Variants in KCNH8 observed in about 807,000 individuals in gnomAD.
KCNH8 encodes the protein potassium voltage-gated channel subfamily H member 8, also known as voltage-gated delayed rectifier potassium channel KCNH8.
KCNH8 carries 70 observed loss-of-function variants against 103.6 expected under a neutral mutation model. The observed-to-expected ratio is 0.68, with a 90% CI of 0.56 to 0.82. KCNH8 has a LOEUF of 0.82. KCNH8 is among the 40% of genes least tolerant of loss of function. The pLI is 0.00. For missense variants in KCNH8, 1,217 were observed against 1,329.9 expected (o/e 0.92, Z 1.32); for synonymous variants, 498 against 489.4 (o/e 1.02, Z -0.23).
At chr3:19,406,215 C>T (rs868271300) in intron 7 of KCNH8, among the ~76,000 whole-genome samples, 3 of 152,024 alleles carry the variant, frequency 2.0e-5, no homozygotes, top group Non-Finnish European at 2.9e-5. Flanking sequence ...AGGTTTTATA[C>T]CATTAAAGTA....
chr3:19,348,949 G>A (rs748905747), intron 5 of KCNH8, among the ~76,000 whole-genome samples: 4 of 151,768 alleles, frequency 2.6e-5, no homozygotes, highest in African/African-American at 4.8e-5. Flanking sequence ...TTAAATCTTT[G>A]AGGCTAGAGT....
intron 2 of KCNH8, among the ~76,000 whole-genome samples, chr3:19,260,487 GATATATATATATATATATATATATAT>G (rs57661437): frequency 0.012 from 491 of 40,040 alleles, 18 homozygotes; most frequent in East Asian, 0.11. Context: ...TACTCTATAG[GATATATATATATATATATATATATAT>G]ATATATATAT....
chr3:19,359,969 A>C (rs1415427436), intron 5 of KCNH8, among the ~76,000 whole-genome samples: 2 of 152,088 alleles, frequency 1.3e-5, no homozygotes, highest in Non-Finnish European at 2.9e-5. Context: ...TGAGCAGTAT[A>C]ACTGTAATGC....
intron 1 of KCNH8, among the ~76,000 whole-genome samples, chr3:19,228,263 G>A (rs549283471): frequency 1.6e-4 from 25 of 152,112 alleles, no homozygotes; most frequent in African/African-American, 5.5e-4. Flanking sequence ...GGCTGTTTTC[G>A]TACTATGAAT....
At chr3:19,320,853 C>G (rs1221028927) in intron 3 of KCNH8, among the ~76,000 whole-genome samples, 3 of 151,612 alleles carry the variant, frequency 2.0e-5, no homozygotes, top group Non-Finnish European at 4.4e-5. Context: ...CCGTTTCAGT[C>G]TCTCTGCTTG....
At chr3:19,429,162 CTTTTTTTTTTT>C (rs575154927) in intron 7 of KCNH8, among the ~76,000 whole-genome samples, 2 of 89,874 alleles carry the variant, frequency 2.2e-5, no homozygotes, top group Non-Finnish European at 4.1e-5. Context: ...AGAATCCACT[CTTTTTTTTTTT>C]TTTTTTTTTT....
At chr3:19,458,208 T>C (rs1027307097) in intron 11 of KCNH8, among the ~76,000 whole-genome samples, 24 of 151,976 alleles carry the variant, frequency 1.6e-4, no homozygotes, top group African/African-American at 5.5e-4. Context: ...ATTGTTTCTG[T>C]TAAATATGTT....
At chr3:19,500,343 T>A (rs1559359407) in intron 11 of KCNH8, among the ~76,000 whole-genome samples, 1 of 152,086 alleles carries the variant, frequency 6.6e-6, no homozygotes, top group Non-Finnish European at 1.5e-5. Flanking sequence ...AATGGGAGAC[T>A]TTAACACCCC....
At chr3:19,484,907 A>G (rs1181848726) in intron 11 of KCNH8, among the ~76,000 whole-genome samples, 3 of 152,160 alleles carry the variant, frequency 2.0e-5, no homozygotes, top group Non-Finnish European at 2.9e-5. Context: ...GAGGCCTATG[A>G]TACAGTATTT....
intron 3 of KCNH8, among the ~76,000 whole-genome samples, chr3:19,313,076 A>G (rs1310960809): frequency 2.6e-5 from 4 of 151,992 alleles, no homozygotes; most frequent in Non-Finnish European, 4.4e-5. Context: ...AATTCCAAAA[A>G]TATGAGTGGT....
intron 1 of KCNH8, among the ~76,000 whole-genome samples, chr3:19,203,282 A>G (rs2063682039): frequency 6.6e-6 from 1 of 152,108 alleles, no homozygotes; most frequent in Non-Finnish European, 1.5e-5. Context: ...TATTTGAAGC[A>G]CTTAAATTTG....
At chr3:19,189,293 T>C (rs1364193369) in intron 1 of KCNH8, among the ~76,000 whole-genome samples, 1 of 152,108 alleles carries the variant, frequency 6.6e-6, no homozygotes, top group Admixed American at 6.6e-5. Flanking sequence ...TTTTGTTTAC[T>C]ATTTTAAGTG....
intron 7 of KCNH8, among the ~76,000 whole-genome samples, chr3:19,404,697 AAAG>A (rs1197198500): frequency 6.6e-6 from 1 of 151,898 alleles, no homozygotes; most frequent in Non-Finnish European, 1.5e-5. Flanking sequence ...AATAAAATGA[AAAG>A]AGATTTATTT....
chr3:19,156,116 C>T (rs186727448), intron 1 of KCNH8, among the ~76,000 whole-genome samples: 25 of 152,224 alleles, frequency 1.6e-4, no homozygotes, highest in African/African-American at 5.1e-4. Context: ...CTTATTTTCA[C>T]GTGGTTCAAG....
chr3:19,375,974 G>A (rs1423250632), intron 5 of KCNH8, among the ~76,000 whole-genome samples: 2 of 152,134 alleles, frequency 1.3e-5, no homozygotes, highest in South Asian at 4.1e-4. Flanking sequence ...CTCCAGCTGT[G>A]TGCTGGGAGA....
intron 5 of KCNH8, among the ~76,000 whole-genome samples, chr3:19,384,119 CAA>C (rs1350150275): frequency 7.6e-4 from 116 of 152,150 alleles, no homozygotes; most frequent in African/African-American, 2.5e-3. Context: ...TGCACAAGAC[CAA>C]TATAACACAA....
intron 4 of KCNH8, 31 bp downstream of exon 4, chr3:19,342,745 T>C: frequency 6.4e-7 from 1 of 1,568,728 alleles, no homozygotes; most frequent in Non-Finnish European, 8.7e-7. Context: ...GGATGAATGC[T>C]AGTGTTTCCC....
intron 1 of KCNH8, among the ~76,000 whole-genome samples, chr3:19,196,432 G>A (rs2063602879): frequency 6.6e-6 from 1 of 151,370 alleles, no homozygotes; most frequent in Non-Finnish European, 1.5e-5. Flanking sequence ...AATGAGATAG[G>A]TACTTTTACT....
At chr3:19,389,910 A>T (rs2066410805) in intron 5 of KCNH8, among the ~76,000 whole-genome samples, 1 of 152,086 alleles carries the variant, frequency 6.6e-6, no homozygotes, top group Non-Finnish European at 1.5e-5. Flanking sequence ...GATTACAGGC[A>T]TGAGCCACCA....
Sources: gnomAD v4.1 joint callset for allele counts (sites outside exome capture counted in the v4.1 genomes callset) on GRCh38, gnomAD v4.1.1 for gene constraint, MANE v1.5 for transcripts, NCBI Gene and HGNC (gene_info 2026-07-23, HGNC 2026-07-21) for gene names.